NRG1: variants seen among roughly 807,000 people sequenced by gnomAD.
NRG1 encodes pro-neuregulin-1, membrane-bound isoform.
A neutral mutation model predicts 63.8 loss-of-function variants in NRG1; 18 were observed. The ratio of observed to expected loss-of-function variants is 0.28; its 90% CI spans 0.19 to 0.42. NRG1 has a LOEUF of 0.42. Ranked by LOEUF, NRG1 falls within the 10% of genes least tolerant of loss-of-function variation. The pLI is 1.00. For synonymous variants in NRG1, 302 were observed against 301.3 expected (o/e 1.00, Z -0.02); for missense variants, 762 against 814.7 (o/e 0.94, Z 0.79).
chr8:31,837,131 G>A (rs546611696), intron 1 of NRG1, among the ~76,000 whole-genome samples: 247 of 152,104 alleles, frequency 1.6e-3, no homozygotes, highest in African/African-American at 5.6e-3. Flanking sequence ...ACTTAGAGGA[G>A]CTTTTATATA....
intron 1 of NRG1, among the ~76,000 whole-genome samples, chr8:32,408,547 G>C (rs958082949): frequency 6.6e-6 from 1 of 152,070 alleles, no homozygotes; most frequent in Non-Finnish European, 1.5e-5. Flanking sequence ...TAATTAGCTT[G>C]CTTGGTCTGG....
intron 1 of NRG1, among the ~76,000 whole-genome samples, chr8:32,449,444 A>C (rs1410487677): frequency 2.0e-5 from 3 of 151,980 alleles, no homozygotes; most frequent in Non-Finnish European, 4.4e-5. Flanking sequence ...ACAACAACAA[A>C]AAAACTTAAC....
At chr8:32,304,947 G>A (rs549189848) in intron 1 of NRG1, among the ~76,000 whole-genome samples, 8 of 152,086 alleles carry the variant, frequency 5.3e-5, no homozygotes, top group African/African-American at 1.2e-4. Flanking sequence ...CCCAGGAGGC[G>A]GAGGTTACAG....
chr8:32,244,477 A>G (rs536855824), intron 1 of NRG1, among the ~76,000 whole-genome samples: 18 of 152,314 alleles, frequency 1.2e-4, no homozygotes, highest in Non-Finnish European at 8.8e-5. Context: ...CAGGAAATTA[A>G]AGAGATTATT....
chr8:31,819,327 C>T (rs752678663), intron 1 of NRG1, among the ~76,000 whole-genome samples: 12 of 152,148 alleles, frequency 7.9e-5, no homozygotes, highest in Non-Finnish European at 1.6e-4. Context: ...CATATTGTTA[C>T]ATTGTTACAT....
chr8:32,263,783 T>G (rs543961091), intron 1 of NRG1, among the ~76,000 whole-genome samples: 105 of 152,346 alleles, frequency 6.9e-4, no homozygotes, highest in African/African-American at 2.4e-3. Context: ...CAGCTGTTTC[T>G]TAATTCGTCA....
intron 1 of NRG1, among the ~76,000 whole-genome samples, chr8:32,219,827 T>C (rs1421971403): frequency 6.6e-6 from 1 of 152,208 alleles, no homozygotes; most frequent in African/African-American, 2.4e-5. Flanking sequence ...ACCCCGTTTG[T>C]TTAATTCTTT....
intron 1 of NRG1, among the ~76,000 whole-genome samples, chr8:31,726,212 A>G (rs950844165): frequency 6.6e-6 from 1 of 152,136 alleles, no homozygotes; most frequent in African/African-American, 2.4e-5. Flanking sequence ...GTAATTACCT[A>G]TTAATTGATA....
At chr8:31,928,352 T>TAAAAAAAAAAAAAAAAAA (rs77001238) in intron 1 of NRG1, among the ~76,000 whole-genome samples, 2 of 80,104 alleles carry the variant, frequency 2.5e-5, no homozygotes, top group African/African-American at 9.9e-5. Context: ...ATGGATGTGG[T>TAAAAAAAAAAAAAAAAAA]AAAAAAAAAA....
chr8:32,122,897 A>G (rs984063867), intron 1 of NRG1, among the ~76,000 whole-genome samples: 39 of 151,596 alleles, frequency 2.6e-4, no homozygotes, highest in African/African-American at 6.5e-4. Context: ...TCTTTGCGAT[A>G]GTTTACTGAG....
In NRG1 at chr8:32,470,446, C is replaced by T. The variant is rs1213680758; in HGVS notation, c.38-125382C>T. ...GTCTCCGTCTCCTGACCTCATGATC[C>T]GCCTCCCTCAGCCTTCCAAAGTACT... On this transcript the variant is annotated intron_variant, in intron 1 of 10. Transcript: ENST00000519301. 3.9e-5 allele frequency among the ~76,000 whole-genome samples: 6 copies of T among 152,106 alleles called. No individual in the cohort carries two copies. The East Asian group carries it at 5.8e-4, about 15-fold the overall frequency.
intron 1 of NRG1, among the ~76,000 whole-genome samples, chr8:31,765,222 C>CT (rs755876284): frequency 3.3e-5 from 5 of 152,110 alleles, no homozygotes; most frequent in South Asian, 4.2e-4. Flanking sequence ...GTTCTATGCA[C>CT]TTTTTTTATA....
At chr8:31,690,684 G>C (rs1809409810) in intron 1 of NRG1, among the ~76,000 whole-genome samples, 1 of 152,182 alleles carries the variant, frequency 6.6e-6, no homozygotes, top group African/African-American at 2.4e-5. Flanking sequence ...AGTAAGGTTT[G>C]TGGACAGGTT....
chr8:32,005,325 G>C (rs910281489), intron 1 of NRG1, among the ~76,000 whole-genome samples: 5 of 151,898 alleles, frequency 3.3e-5, no homozygotes, highest in African/African-American at 1.2e-4. Context: ...GTTATATATT[G>C]AGAGCCAGTG....
At chr8:32,049,938 C>A (rs1821702034) in intron 1 of NRG1, among the ~76,000 whole-genome samples, 1 of 151,814 alleles carries the variant, frequency 6.6e-6, no homozygotes, top group Non-Finnish European at 1.5e-5. Flanking sequence ...GCTTACCCAC[C>A]CTAATATGAG....
intron 1 of NRG1, among the ~76,000 whole-genome samples, chr8:31,655,384 A>G (rs931957984): frequency 1.3e-5 from 2 of 152,200 alleles, no homozygotes; most frequent in East Asian, 1.9e-4. Flanking sequence ...AGAAGAATCT[A>G]TCTTAGTCTG....
intron 4 of NRG1, among the ~76,000 whole-genome samples, chr8:32,616,317 C>G (rs986790349): frequency 6.6e-6 from 1 of 151,952 alleles, no homozygotes; most frequent in Non-Finnish European, 1.5e-5. Flanking sequence ...TTCTATTGCT[C>G]TAGCAGACTT....
At chr8:32,349,880 T>A (rs1805376652) in intron 1 of NRG1, among the ~76,000 whole-genome samples, 1 of 152,216 alleles carries the variant, frequency 6.6e-6, no homozygotes, top group Admixed American at 6.5e-5. Flanking sequence ...GATCCAGCTC[T>A]TTGCAGCAGC....
intron 1 of NRG1, among the ~76,000 whole-genome samples, chr8:31,733,487 C>T (rs1814328732): frequency 6.6e-6 from 1 of 152,296 alleles, no homozygotes; most frequent in East Asian, 1.9e-4. Flanking sequence ...TGGCCATGTT[C>T]TTTCCCAGAG....
Sources: allele counts gnomAD v4.1 joint callset (sites outside exome capture counted in the v4.1 genomes callset), GRCh38; gene constraint gnomAD v4.1.1; transcripts MANE v1.5; gene names NCBI Gene and HGNC (gene_info 2026-07-23, HGNC 2026-07-21).